The following STX17 variants were observed in gnomAD, a reference collection of about 807,000 sequenced individuals.
STX17 encodes syntaxin-17.
STX17 carries 29 observed loss-of-function variants against 35.9 expected under a neutral mutation model. The observed-to-expected ratio is 0.81, with a 90% confidence interval of 0.60 to 1.10. The LOEUF (loss-of-function observed/expected upper bound fraction) is 1.10. Among genes scored for constraint, STX17 ranks in the 50% least tolerant of loss-of-function variants. The pLI is 0.00. For synonymous variants in STX17, 92 were observed against 118.3 expected (o/e 0.78, Z 1.44); for missense variants, 312 against 352.3 (o/e 0.89, Z 0.92).
intron 3 of STX17, among the ~76,000 whole-genome samples, chr9:99,947,727 G>A (rs1488905891): frequency 1.3e-5 from 2 of 152,110 alleles, no homozygotes; most frequent in Non-Finnish European, 2.9e-5. Flanking sequence ...CTAGGGTGGA[G>A]CTCTGACGAT....
At chr9:99,950,755 G>C (rs955482054) in intron 3 of STX17, among the ~76,000 whole-genome samples, 2 of 151,892 alleles carry the variant, frequency 1.3e-5, no homozygotes, top group African/African-American at 2.4e-5. Context: ...TAGGTGAAGT[G>C]AGAATATCAT....
rs1830040759 is a variant in STX17, at chr9:99,972,784, C to T, written c.*4111C>T. 6.6e-6 allele frequency among the ~76,000 whole-genome samples: 1 copy of T among 152,104 alleles called. No homozygotes were observed. The highest frequency in any genetic ancestry group is 1.5e-5 in the Non-Finnish European group (1 of 68,020). On this transcript the variant is annotated 3_prime_UTR_variant, in exon 8 of 8. Coordinates refer to ENST00000259400, the MANE Select transcript of STX17 (RefSeq NM_017919.3). ...AATATGAAAGGTGTTTCTCAGGGTC[C>T]CCTTTGTCCTTCGTTGCTGCCATAT... is the stretch of plus-strand genomic sequence containing the variant.
chr9:99,908,638 AATTT>A (rs909051317), intron 1 of STX17, among the ~76,000 whole-genome samples: 1 of 151,874 alleles, frequency 6.6e-6, no homozygotes, highest in Non-Finnish European at 1.5e-5. Flanking sequence ...GGAACTTCCT[AATTT>A]TCTGGTACCA....
intron 2 of STX17, among the ~76,000 whole-genome samples, chr9:99,916,434 C>T (rs5899394): frequency 0.059 from 3,272 of 55,218 alleles, 55 homozygotes; most frequent in East Asian, 0.12. Context: ...TTTATTTATT[C>T]ATTCATTCAT....
In STX17 at chr9:99,938,493, AT is replaced by A. The variant is rs1829283098; in HGVS notation, c.189+9653del. Among the ~76,000 whole-genome samples, 7 of 152,180 alleles carry A rather than the reference AT, an allele frequency of 4.6e-5. No homozygotes were observed. The South Asian group carries it at 1.5e-3, about 32-fold the overall frequency. ...GAACATTAACTTGGCTTTTATAGAA[AT>A]TTGATAAAGGCCAGGCGCAGTGGCT... On this transcript the variant is annotated intron_variant, in intron 3 of 7. Coordinates refer to ENST00000259400, the MANE Select transcript of STX17 (RefSeq NM_017919.3).
rs774437410 is a variant in STX17 at position 99,951,067 on chromosome 9, G to T, written c.197G>T (p.Arg66Leu). The change falls in exon 4 of 8, where the codon CGA becomes CTA. Residue 66 changes from arginine (R) to leucine (L), a missense_variant. Physicochemically the swap from Arg to Leu is moderately radical, Grantham distance 102. Transcript: ENST00000259400. Reference sequence around the variant, plus strand: ...GATTTTTTTCTTTTATAGCAACTCCGATCCAATATCCGAGAAATTGAGAAA... The same window carrying T: ...GATTTTTTTCTTTTATAGCAACTCCTATCCAATATCCGAGAAATTGAGAAA... Reference protein sequence around the residue: ...INAGRTVQQLRSNIREIEKLC... With the variant: ...INAGRTVQQLLSNIREIEKLC... 12 of 1,606,664 alleles carry T rather than the reference G, an allele frequency of 7.5e-6. No homozygotes were observed. The highest frequency in any genetic ancestry group is 1.3e-5 in the African/African-American group (1 of 74,352).
chr9:99,916,154 C>T, intron 2 of STX17: 3 of 443,578 alleles, frequency 6.8e-6, no homozygotes, highest in Non-Finnish European at 1.4e-5. Flanking sequence ...CTGCCTAATT[C>T]AGTTGAGGAA....
rs1394893175 is a variant in STX17, at chr9:99,973,745, C to G, written c.*5072C>G. Among the ~76,000 whole-genome samples, 1 of 152,162 alleles carries G rather than the reference C, an allele frequency of 6.6e-6. No individual in the cohort carries two copies. Among genetic ancestry groups the G allele is most frequent in the Non-Finnish European group, 1.5e-5 (1 of 68,034 alleles). On this transcript the variant is annotated 3_prime_UTR_variant, in exon 8 of 8. Coordinates refer to ENST00000259400, the MANE Select transcript of STX17 (RefSeq NM_017919.3). ...ATATCACTGCCACAAGAATTAACAA[C>G]CATGTCCATCTTTCATTTTTCTGCT...
intron 3 of STX17, among the ~76,000 whole-genome samples, chr9:99,938,431 G>C (rs539605191): frequency 6.6e-6 from 1 of 152,306 alleles, no homozygotes; most frequent in East Asian, 1.9e-4. Flanking sequence ...AACTAAATGA[G>C]AGTTGGAAAT....
rs1268242829 is a variant in STX17, at chr9:99,967,724, C to T, written c.654C>T (p.Thr218=). 1 of 1,613,660 alleles carries T rather than the reference C, an allele frequency of 6.2e-7. No individual in the cohort carries two copies. The highest frequency in any genetic ancestry group is 8.5e-7 in the Non-Finnish European group (1 of 1,179,820). Residue 218 remains threonine, a synonymous_variant, in exon 7 of 8, where the codon ACC becomes ACT. Coordinates refer to ENST00000259400, the MANE Select transcript of STX17 (RefSeq NM_017919.3). ...NSAAVNVEEG[T]KNLGKAAKYK... ...CTGCTGTGAATGTTGAAGAGGGAAC[C>T]AAAAACTTAGGGAAGGTAAGATTCT...
At position 99,949,578 on chromosome 9, in the gene STX17, G is replaced by A. The variant is rs564168894; in HGVS notation, c.190-1482G>A. On this transcript the variant is annotated intron_variant, in intron 3 of 7. Coordinates refer to ENST00000259400, the MANE Select transcript of STX17 (RefSeq NM_017919.3). ...TTTTTTTTGTTTGCTTTTTCCATAT[G>A]TAATAATTTGGACTGTAATAATGTA... Among the ~76,000 whole-genome samples, 5 of 151,620 alleles carry A rather than the reference G, an allele frequency of 3.3e-5. No homozygotes were observed. The South Asian group carries it at 8.3e-4, about 25-fold the overall frequency.
chr9:99,924,495 T>C (rs1415299922), intron 2 of STX17, among the ~76,000 whole-genome samples: 1 of 152,088 alleles, frequency 6.6e-6, no homozygotes, highest in Admixed American at 6.6e-5. Context: ...TGAGATATAT[T>C]CTTTGTGTTG....
intron 2 of STX17, among the ~76,000 whole-genome samples, chr9:99,919,187 A>G (rs971836858): frequency 6.6e-6 from 1 of 152,160 alleles, no homozygotes; most frequent in Non-Finnish European, 1.5e-5. Flanking sequence ...CTACCCGTTC[A>G]TTACATAAAC....
intron 3 of STX17, among the ~76,000 whole-genome samples, chr9:99,945,151 T>C (rs1451351793): frequency 6.6e-6 from 1 of 152,222 alleles, no homozygotes; most frequent in African/African-American, 2.4e-5. Context: ...AAATCCTCTA[T>C]ATTAACTTAA....
At chr9:99,948,435 T>C (rs750937158) in intron 3 of STX17, among the ~76,000 whole-genome samples, 1 of 152,128 alleles carries the variant, frequency 6.6e-6, no homozygotes, top group Non-Finnish European at 1.5e-5. Flanking sequence ...ATTTGCATTA[T>C]GTTTGTGTTG....
chr9:99,959,886 C>A, intron 4 of STX17, 31 bp from the exon 5 acceptor site: 1 of 1,498,482 alleles, frequency 6.7e-7, no homozygotes, highest in Non-Finnish European at 9.2e-7. Context: ...AGCAAATAAA[C>A]TCTAAACATG....
chr9:99,913,828 C>T (rs1402941298), intron 1 of STX17, among the ~76,000 whole-genome samples: 1 of 152,102 alleles, frequency 6.6e-6, no homozygotes, highest in Non-Finnish European at 1.5e-5. Context: ...GTATTGGAGG[C>T]AGTCTATATA....
intron 3 of STX17, chr9:99,945,674 T>TATTG: frequency 2.7e-6 from 1 of 364,198 alleles, no homozygotes; most frequent in Non-Finnish European, 5.4e-6. Flanking sequence ...CTTTCTTTTG[T>TATTG]ATTGATCTTG....
chr9:99,959,910 C>T lies in STX17; in HGVS notation c.416-7C>T. On this transcript the variant is annotated splice_polypyrimidine_tract_variant and splice_region_variant and intron_variant, in intron 4 of 7. Transcript: ENST00000259400. ...ACTCTAAACATGGGGTTATTATGTT[C>T]ATCCAGGAGCATTTCATACTACTGA... The T allele has an allele frequency of 1.3e-6, 2 of 1,587,202 alleles. No homozygotes were observed. The highest frequency in any genetic ancestry group is 1.7e-6 in the Non-Finnish European group (2 of 1,159,688).
Sources: gnomAD v4.1 joint callset for allele counts (sites outside exome capture counted in the v4.1 genomes callset) on GRCh38, gnomAD v4.1.1 for gene constraint, MANE v1.5 for transcripts, NCBI Gene and HGNC (gene_info 2026-07-23, HGNC 2026-07-21) for gene names.